Variants in RBP3 observed in about 807,000 individuals in gnomAD.
RBP3 encodes the protein retinol-binding protein 3.
In RBP3, 50 loss-of-function variants were observed where a neutral mutation model predicts 64.8. The observed-to-expected ratio is 0.77, with a 90% CI of 0.61 to 0.98. The LOEUF (loss-of-function observed/expected upper bound fraction) is 0.98, where lower values mean the gene tolerates loss of function less well. Ranked by LOEUF, RBP3 falls within the 50% of genes least tolerant of loss-of-function variation. The pLI is 0.00. For missense variants in RBP3, 1,712 were observed against 1,660.5 expected, an observed-to-expected ratio of 1.03 and a Z score of -0.54; for synonymous variants, 828 against 730.2, an observed-to-expected ratio of 1.13 and a Z score of -2.16.
At chr10:47,356,633 A>G (rs1837050473) in intron 3 of RBP3, among the ~76,000 whole-genome samples, 1 of 152,232 alleles carries the variant, frequency 6.6e-6, no homozygotes, top group Admixed American at 6.5e-5. Context: ...CTTGCTTAAC[A>G]TGGCTACTAG....
chr10:47,350,221 G>A lies in RBP3; in HGVS notation c.1737G>A (p.Val579=), dbSNP rs1555211294. ...TAGNLLHTRT[V]PLLDTPEGSL... ...GCAACCTGCTGCACACCCGCACGGT[G>A]CCGCTGCTGGACACACCCGAAGGCA... The change falls in exon 1 of 4, where the codon GTG becomes GTA. Residue 579 remains valine, a synonymous_variant. Coordinates refer to ENST00000584701, the MANE Select transcript of RBP3 (RefSeq NM_002900.3). The A allele has an allele frequency of 6.2e-7, 1 of 1,608,790 alleles. No homozygotes were observed. Among genetic ancestry groups the A allele is most frequent in the Non-Finnish European group, 8.5e-7 (1 of 1,179,930 alleles).
At chr10:47,355,259 C>T (rs943536647) in intron 2 of RBP3, 117 bp from the exon 3 acceptor site, 2 of 1,289,780 alleles carry the variant, frequency 1.6e-6, no homozygotes, top group Non-Finnish European at 2.2e-6. Context: ...AGGCACTAGA[C>T]TGAGGCTGCC....
In RBP3 at chr10:47,349,397, G is replaced by A; in HGVS notation, c.913G>A (p.Val305Met). 6.2e-7 allele frequency: 1 copy of A among 1,612,028 alleles called. No individual in the cohort carries two copies. The highest frequency in any genetic ancestry group is 8.5e-7 in the Non-Finnish European group (1 of 1,179,984). ...TWEGSGVLPC[V>M]GTPAEQALEK... ...GGAGGGCAGCGGGGTGCTGCCCTGT[G>A]TGGGGACTCCGGCCGAGCAGGCCCT... Residue 305 changes from valine to methionine, a missense_variant, in exon 1 of 4, where the codon GTG becomes ATG. By Grantham distance (21) the Val-to-Met change is conservative. Coordinates refer to ENST00000584701, the MANE Select transcript of RBP3 (RefSeq NM_002900.3).
At position 47,355,473 on chromosome 10, in the gene RBP3, C is replaced by T. The variant is rs1837033663; in HGVS notation, c.3343C>T (p.Pro1115Ser). The T allele has an allele frequency of 6.2e-7, 1 of 1,614,080 alleles. No homozygotes were observed. The highest frequency in any genetic ancestry group is 1.3e-5 in the African/African-American group (1 of 74,930). ...TCTGCTGGACAAGATCTACAGCCGG[C>T]CTGATGACTCTGTCAGTGAACTCTG... ...PVLLDKIYSRPDDSVSELWTH... is the reference protein window; with the variant it reads ...PVLLDKIYSRSDDSVSELWTH... The change falls in exon 3 of 4, where the codon CCT becomes TCT. Residue 1115 changes from proline (P) to serine (S), a missense_variant. Physicochemically the swap from Pro to Ser is moderately conservative, Grantham distance 74. Transcript: ENST00000584701.
chr10:47,353,442 C>G lies in RBP3; in HGVS notation c.3172C>G (p.Gln1058Glu). ...DMFGDGELLT[Q>E]VSRLLVEHIW... ...GTTTGGGGACGGTGAGCTGCTCACC[C>G]AGGTCTCCAGGCTGCTGGTGGAGCA... The change falls in exon 2 of 4, where the codon CAG becomes GAG. Residue 1058 changes from glutamine to glutamate, a missense_variant. By Grantham distance (29) the Gln-to-Glu change is conservative. Transcript: ENST00000584701. 3 of 1,614,134 alleles carry G rather than the reference C, an allele frequency of 1.9e-6. No homozygotes were observed. Among genetic ancestry groups the G allele is most frequent in the Non-Finnish European group, 2.5e-6 (3 of 1,180,030 alleles).
chr10:47,349,767 C>T lies in RBP3; in HGVS notation c.1283C>T (p.Ser428Phe). 1.2e-6 allele frequency: 2 copies of T among 1,613,118 alleles called. No individual in the cohort carries two copies. Among genetic ancestry groups the T allele is most frequent in the Non-Finnish European group, 1.7e-6 (2 of 1,180,020 alleles). ...GCTATCCGGCAAGCACTGGTGGACT[C>T]TGTGTTCCAGGTGTCGGTGCTGCCA... ...DEAIRQALVD[S>F]VFQVSVLPGN... is the part of the protein sequence containing the mutation. Residue 428 changes from serine to phenylalanine, a missense_variant, in exon 1 of 4, where the codon TCT (serine) becomes TTT (phenylalanine). Ser to Phe is a radical substitution (Grantham distance 155, BLOSUM62 -2). Transcript: ENST00000584701.
chr10:47,351,188 A>C lies in RBP3; in HGVS notation c.2704A>C (p.Thr902Pro). The C allele has an allele frequency of 6.2e-7, 1 of 1,613,246 alleles. No homozygotes were observed. The highest frequency in any genetic ancestry group is 8.5e-7 in the Non-Finnish European group (1 of 1,180,030). Reference sequence around the variant, plus strand: ...GCCCACCCAGATGGCCATGAGTGCCACCACAGGCAAGGCCTGGGACCTGGC... The same window carrying C: ...GCCCACCCAGATGGCCATGAGTGCCCCCACAGGCAAGGCCTGGGACCTGGC... Reference protein sequence around the residue: ...SMPTQMAMSATTGKAWDLAGV... With the variant: ...SMPTQMAMSAPTGKAWDLAGV... The change falls in exon 1 of 4, where the codon ACC (threonine) becomes CCC (proline). Residue 902 changes from threonine (T) to proline (P), a missense_variant. Thr to Pro is a conservative substitution (Grantham distance 38). Transcript: ENST00000584701.
chr10:47,353,607 C>A, intron 2 of RBP3, 92 bp downstream of exon 2: 3 of 1,467,938 alleles, frequency 2.0e-6, no homozygotes, highest in Non-Finnish European at 2.8e-6. Context: ...AGAAAAGGAA[C>A]CCTGTGACAC....
Position 47,351,391 on chromosome 10 carries a change from G to A in RBP3, c.2907G>A (p.Gln969=), listed in dbSNP as rs1555211575. The change falls in exon 1 of 4, where the codon CAG becomes CAA. Residue 969 remains glutamine (Q), a synonymous_variant. Transcript: ENST00000584701. ...AKMATKLSGL[Q]SRYSRVTSEV... is the part of the protein sequence containing the mutation. ...TGGCCACCAAACTGAGCGGTCTGCA[G>A]AGCCGCTACTCCAGGGTGACCTCAG... is the stretch of plus-strand genomic sequence containing the variant. 1 of 1,613,610 alleles carries A rather than the reference G, an allele frequency of 6.2e-7. No homozygotes were observed. The highest frequency in any genetic ancestry group is 8.5e-7 in the Non-Finnish European group (1 of 1,180,040).
chr10:47,354,809 G>A (rs1555211877), intron 2 of RBP3, among the ~76,000 whole-genome samples: 1 of 152,174 alleles, frequency 6.6e-6, no homozygotes, highest in African/African-American at 2.4e-5. Flanking sequence ...TGGGGAGACA[G>A]GGGCCCAACG....
chr10:47,348,489 T>A lies in RBP3; in HGVS notation c.5T>A (p.Met2Lys). 1.9e-6 allele frequency: 3 copies of A among 1,602,270 alleles called. No individual in the cohort carries two copies. The highest frequency in any genetic ancestry group is 1.7e-6 in the Non-Finnish European group (2 of 1,179,760). The change falls in exon 1 of 4, where the codon ATG becomes AAG. Residue 2 changes from methionine to lysine, a missense_variant. Physicochemically the swap from Met to Lys is moderately conservative, Grantham distance 95. Transcript: ENST00000584701. M[M>K]REWVLLMSVL... Reference sequence around the variant, plus strand: ...CAGGCCTCCCCCTGGGTCCCCATGATGAGAGAATGGGTTCTGCTCATGTCC... The same window carrying A: ...CAGGCCTCCCCCTGGGTCCCCATGAAGAGAGAATGGGTTCTGCTCATGTCC...
In RBP3 at chr10:47,348,529, C is replaced by A; in HGVS notation, c.45C>A (p.Gly15=). The A allele has an allele frequency of 2.5e-6, 4 of 1,610,432 alleles. No homozygotes were observed. The highest frequency in any genetic ancestry group is 2.5e-6 in the Non-Finnish European group (3 of 1,180,008). ...WVLLMSVLLC[G]LAGPTHLFQP... ...TGCTCATGTCCGTGCTGCTCTGTGGCCTGGCTGGCCCCACACACCTGTTCC... is the reference window on the plus strand; with the variant it reads ...TGCTCATGTCCGTGCTGCTCTGTGGACTGGCTGGCCCCACACACCTGTTCC... Residue 15 remains glycine, a synonymous_variant, in exon 1 of 4, where the codon GGC becomes GGA. Coordinates refer to ENST00000584701, the MANE Select transcript of RBP3 (RefSeq NM_002900.3).
In RBP3 at chr10:47,348,693, T is replaced by G. The variant is rs1555210873; in HGVS notation, c.209T>G (p.Leu70Arg). The G allele has an allele frequency of 6.2e-7, 1 of 1,613,618 alleles. No individual in the cohort carries two copies. ...CTGAGCATCTCAGACCCGCAGACGC[T>G]GGCCAGTGTGCTGACAGCCGGGGTG... ...EILSISDPQT[L>R]ASVLTAGVQS... The change falls in exon 1 of 4, where the codon CTG (leucine) becomes CGG (arginine). Residue 70 changes from leucine (L) to arginine (R), a missense_variant. Coordinates refer to ENST00000584701, the MANE Select transcript of RBP3 (RefSeq NM_002900.3).
chr10:47,352,510 C>T (rs1836990828), intron 1 of RBP3, among the ~76,000 whole-genome samples: 1 of 152,240 alleles, frequency 6.6e-6, no homozygotes, highest in South Asian at 2.1e-4. Flanking sequence ...TCCCCATTTT[C>T]CGCAACTGAG....
intron 2 of RBP3, among the ~76,000 whole-genome samples, chr10:47,354,683 T>C (rs959518491): frequency 1.6e-4 from 25 of 152,174 alleles, no homozygotes; most frequent in Non-Finnish European, 2.9e-5. Context: ...TTAAAGACCC[T>C]CCCACCCCTG....
Position 47,349,004 on chromosome 10 carries a change from G to C in RBP3, c.520G>C (p.Gly174Arg). 1 of 1,614,032 alleles carries C rather than the reference G, an allele frequency of 6.2e-7. No homozygotes were observed. The highest frequency in any genetic ancestry group is 8.5e-7 in the Non-Finnish European group (1 of 1,180,026). Residue 174 changes from glycine (G) to arginine (R), a missense_variant, in exon 1 of 4, where the codon GGA becomes CGA. Gly to Arg is a moderately radical substitution (Grantham distance 125). Transcript: ENST00000584701. ...AGTGCTGGATCTCCGGCACTGCACA[G>C]GAGGCCAGGTCTCTGGCATTCCCTA... ...ALVLDLRHCTGGQVSGIPYII... is the reference protein window; with the variant it reads ...ALVLDLRHCTRGQVSGIPYII...
Position 47,349,121 on chromosome 10 carries a change from T to C in RBP3, c.637T>C (p.Leu213=). Residue 213 remains leucine, a synonymous_variant, in exon 1 of 4, where the codon TTG becomes CTG. Coordinates refer to ENST00000584701, the MANE Select transcript of RBP3 (RefSeq NM_002900.3). ...PSNTTTEIWT[L]PQVLGERYGA... ...CAACACCACCACGGAGATCTGGACC[T>C]TGCCCCAGGTCCTGGGAGAAAGGTA... The C allele has an allele frequency of 1.9e-6, 3 of 1,614,014 alleles. No individual in the cohort carries two copies. The highest frequency in any genetic ancestry group is 2.5e-6 in the Non-Finnish European group (3 of 1,180,028).
intron 1 of RBP3, among the ~76,000 whole-genome samples, chr10:47,352,933 A>G (rs1198901027): frequency 1.3e-5 from 2 of 152,198 alleles, no homozygotes; most frequent in African/African-American, 4.8e-5. Flanking sequence ...GATAAGCTCT[A>G]CAAAGTGCTT....
chr10:47,355,290 G>A (rs1837030287), intron 2 of RBP3, 86 bp from the exon 3 acceptor site: 11 of 1,570,682 alleles, frequency 7.0e-6, no homozygotes, highest in Non-Finnish European at 9.6e-6. Flanking sequence ...ACCCTCCATG[G>A]GACAAAGATC....
Sources: gnomAD v4.1 joint callset for allele counts (sites outside exome capture counted in the v4.1 genomes callset) on GRCh38, gnomAD v4.1.1 for gene constraint, MANE v1.5 for transcripts, NCBI Gene and HGNC (gene_info 2026-07-23, HGNC 2026-07-21) for gene names.